Variants in SULT2B1 observed in about 807,000 individuals in gnomAD.
The protein encoded by SULT2B1 is sulfotransferase 2B1.
SULT2B1 carries 16 observed loss-of-function variants against 33.2 expected under a neutral mutation model. The observed-to-expected ratio is 0.48, with a 90% CI of 0.33 to 0.73. The LOEUF (loss-of-function observed/expected upper bound fraction) is 0.73. SULT2B1 is among the 30% of genes least tolerant of loss of function. The pLI is 0.02. For synonymous variants in SULT2B1, 186 were observed against 200.5 expected, an observed-to-expected ratio of 0.93 and a Z score of 0.61; for missense variants, 500 against 506.0, an observed-to-expected ratio of 0.99 and a Z score of 0.11.
intron 2 of SULT2B1, among the ~76,000 whole-genome samples, chr19:48,584,173 G>T (rs1003487390): frequency 6.6e-6 from 1 of 152,124 alleles, no homozygotes; most frequent in Non-Finnish European, 1.5e-5. Flanking sequence ...TTCCTCTAGG[G>T]CTGAAGCCAA....
chr19:48,597,265 G>A (rs1350392176), intron 6 of SULT2B1, among the ~76,000 whole-genome samples: 1 of 151,994 alleles, frequency 6.6e-6, no homozygotes, highest in African/African-American at 2.4e-5. Flanking sequence ...GGGCGCAGGC[G>A]GTAGCATAGT....
intron 2 of SULT2B1, among the ~76,000 whole-genome samples, chr19:48,585,455 G>T (rs979676203): frequency 6.6e-6 from 1 of 151,688 alleles, no homozygotes; most frequent in African/African-American, 2.4e-5. Flanking sequence ...ATCACTGGAG[G>T]TCAAGAGTTC....
chr19:48,555,465 T>C (rs958667507), intron 1 of SULT2B1, among the ~76,000 whole-genome samples: 2 of 151,914 alleles, frequency 1.3e-5, no homozygotes, highest in Non-Finnish European at 2.9e-5. Flanking sequence ...TCTGGCTCCT[T>C]CCATAGGGAT....
At chr19:48,555,173 C>A (rs1267318036) in intron 1 of SULT2B1, among the ~76,000 whole-genome samples, 1 of 151,598 alleles carries the variant, frequency 6.6e-6, no homozygotes, top group Admixed American at 6.6e-5. Flanking sequence ...CTCACTACAA[C>A]CTCGGCCTCC....
intron 3 of SULT2B1, among the ~76,000 whole-genome samples, chr19:48,590,001 CAG>C (rs1020225755): frequency 2.6e-5 from 4 of 151,772 alleles, no homozygotes; most frequent in African/African-American, 4.8e-5. Context: ...TTTTTTGAGA[CAG>C]AGTTTCCCTC....
chr19:48,552,361 G>C lies in SULT2B1; in HGVS notation c.71+38G>C. On this transcript the variant is annotated intron_variant, in intron 1 of 6. Transcript: ENST00000201586. This position sits in a 1 kb window ranked among gnomAD's most constrained non-coding sequence, Gnocchi z 4.8. ...CCTGGGCAGGAGCCAGGAGATCCCA[G>C]GGAGGAGGTGGCTGTTTGGGGGAGC... 1.9e-6 allele frequency: 3 copies of C among 1,608,470 alleles called. No homozygotes were observed. Among genetic ancestry groups the C allele is most frequent in the Non-Finnish European group, 2.6e-6 (3 of 1,176,458 alleles).
intron 2 of SULT2B1, among the ~76,000 whole-genome samples, chr19:48,580,532 T>C (rs772816525): frequency 6.6e-6 from 1 of 152,170 alleles, no homozygotes; most frequent in Non-Finnish European, 1.5e-5. Flanking sequence ...AGTGCTGGGA[T>C]TATAGGCGTG....
chr19:48,564,997 G>A (rs1248532490), intron 1 of SULT2B1, among the ~76,000 whole-genome samples: 1 of 151,938 alleles, frequency 6.6e-6, no homozygotes, highest in Non-Finnish European at 1.5e-5. Context: ...CACTATATTG[G>A]TCAGGCTGGT....
At chr19:48,570,962 G>C (rs1973318462) in intron 1 of SULT2B1, among the ~76,000 whole-genome samples, 1 of 151,852 alleles carries the variant, frequency 6.6e-6, no homozygotes, top group Non-Finnish European at 1.5e-5. Context: ...GACCTCAGGT[G>C]ATCCGCCCAC....
rs572647311 is a variant in SULT2B1, at chr19:48,561,288, C to T, written c.71+8965C>T. On this transcript the variant is annotated intron_variant, in intron 1 of 6. Transcript: ENST00000201586. ...TACTAAAAATAGAAGAGTAGCTGGT[C>T]GTGGTGGCACATGCCTGTAATCCCA... 8.2e-3 allele frequency among the ~76,000 whole-genome samples: 1,235 copies of T among 150,702 alleles called. 52 individuals are homozygous for T. Among genetic ancestry groups the T allele is most frequent in the Admixed American group, 0.067 (1,012 of 15,084 alleles).
intron 1 of SULT2B1, among the ~76,000 whole-genome samples, chr19:48,558,920 G>A (rs1342846319): frequency 1.1e-4 from 16 of 152,040 alleles, no homozygotes; most frequent in Non-Finnish European, 2.1e-4. Flanking sequence ...TCCTGACCTC[G>A]GATGATCCAC....
Position 48,599,316 on chromosome 19 carries a change from C to T in SULT2B1, c.1008C>T (p.Asn336=), listed in dbSNP as rs1444237804. The T allele has an allele frequency of 6.2e-7, 1 of 1,607,346 alleles. No individual in the cohort carries two copies. Among genetic ancestry groups the T allele is most frequent in the East Asian group, 2.2e-5 (1 of 44,678 alleles). The change falls in exon 7 of 7, where the codon AAC becomes AAT. Residue 336 remains asparagine, a synonymous_variant. Coordinates refer to ENST00000201586, the MANE Select transcript of SULT2B1 (RefSeq NM_177973.2). The surrounding 1 kb of genome is among the most constrained non-coding windows in gnomAD (Gnocchi z 4.1). ...AGCCCAAGCCCAGCCTTGAGCCCAACACCAGCCTGGAGCGTGAGCCCAGAC... is the reference window on the plus strand; with the variant it reads ...AGCCCAAGCCCAGCCTTGAGCCCAATACCAGCCTGGAGCGTGAGCCCAGAC... ...EPEPKPSLEP[N]TSLEREPRPN... is the part of the protein sequence containing the mutation.
intron 1 of SULT2B1, among the ~76,000 whole-genome samples, chr19:48,557,451 A>G (rs1040746719): frequency 2.6e-5 from 4 of 151,860 alleles, no homozygotes; most frequent in Non-Finnish European, 5.9e-5. Flanking sequence ...GAGGCAGGAG[A>G]GTTGCTTGAA....
At chr19:48,558,679 CTTTTTTTTTTTTT>C (rs869189397) in intron 1 of SULT2B1, among the ~76,000 whole-genome samples, 1 of 106,178 alleles carries the variant, frequency 9.4e-6, no homozygotes, top group Admixed American at 1.1e-4. Flanking sequence ...CTTTTCTTTT[CTTTTTTTTTTTTT>C]TTTTTTTTTG....
At chr19:48,598,598 T>C (rs1017629405) in intron 6 of SULT2B1, among the ~76,000 whole-genome samples, 1 of 150,930 alleles carries the variant, frequency 6.6e-6, no homozygotes. Context: ...AGAAAAAAAA[T>C]GGAAAACTGA....
At chr19:48,591,458 G>A in intron 3 of SULT2B1, 151 bp from the exon 4 acceptor site, 3 of 871,594 alleles carry the variant, frequency 3.4e-6, no homozygotes, top group South Asian at 2.0e-5. Flanking sequence ...GCGAAACAGA[G>A]TCAGACTCCA....
At chr19:48,562,350 C>T (rs1244051057) in intron 1 of SULT2B1, among the ~76,000 whole-genome samples, 1 of 151,004 alleles carries the variant, frequency 6.6e-6, no homozygotes, top group Non-Finnish European at 1.5e-5. Flanking sequence ...ATGGCCATTG[C>T]ACTCCAGCCT....
chr19:48,597,351 T>G (rs1202569747), intron 6 of SULT2B1, among the ~76,000 whole-genome samples: 1 of 150,738 alleles, frequency 6.6e-6, no homozygotes, highest in African/African-American at 2.4e-5. Context: ...TTTTTTTTTT[T>G]TTTTTTGAAA....
chr19:48,561,108 G>A (rs1297705102), intron 1 of SULT2B1, among the ~76,000 whole-genome samples: 5 of 151,582 alleles, frequency 3.3e-5, no homozygotes, highest in African/African-American at 1.2e-4. Context: ...ACTCCAGCCT[G>A]GGAGACAGAG....
Sources: allele counts gnomAD v4.1 joint callset (sites outside exome capture counted in the v4.1 genomes callset), GRCh38; gene constraint gnomAD v4.1.1; non-coding constraint Gnocchi (gnomAD v3.1); transcripts MANE v1.5; gene names NCBI Gene and HGNC (gene_info 2026-07-23, HGNC 2026-07-21).